Variants in NHSL3 observed in about 807,000 individuals in gnomAD.
NHSL3 encodes NHS like 3.
the NHSL3 span, chr1:32,765,850 G>C: frequency 6.5e-7 from 1 of 1,539,382 alleles, no homozygotes; most frequent in Non-Finnish European, 8.7e-7. Flanking sequence ...GGCTTGGGGG[G>C]AGGGGAGGGA....
At chr1:32,764,478 T>G in the NHSL3 span, among the ~76,000 whole-genome samples, 1 of 151,904 alleles carries the variant, frequency 6.6e-6, no homozygotes, top group Admixed American at 6.6e-5. Flanking sequence ...TTTCTTTTTT[T>G]TTTTTTTGAA....
chr1:32,772,208 G>A, the NHSL3 span: 65 of 1,610,016 alleles, frequency 4.0e-5, no homozygotes, highest in Non-Finnish European at 3.0e-5. Context: ...TCAGAGCAGC[G>A]GCCACCCCAG....
At chr1:32,766,775 G>C in the NHSL3 span, among the ~76,000 whole-genome samples, 140 of 152,286 alleles carry the variant, frequency 9.2e-4, 1 homozygote, top group African/African-American at 3.2e-3. Context: ...CATTTAAAGG[G>C]GGGGCTGGGG....
At chr1:32,770,707 C>T in the NHSL3 span, 11 of 1,542,660 alleles carry the variant, frequency 7.1e-6, no homozygotes, top group East Asian at 1.4e-4. This position sits in a 1 kb window ranked among gnomAD's most constrained non-coding sequence, Gnocchi z 8.3. Context: ...CCTCCATCAG[C>T]GGGGCTTAGC....
chr1:32,758,805 T>C, the NHSL3 span, among the ~76,000 whole-genome samples: 1 of 151,748 alleles, frequency 6.6e-6, no homozygotes, highest in East Asian at 1.9e-4. Flanking sequence ...CAGGATCATG[T>C]TGCAATTAAG....
At chr1:32,752,013 T>C in the NHSL3 span, among the ~76,000 whole-genome samples, 1 of 152,190 alleles carries the variant, frequency 6.6e-6, no homozygotes, top group Non-Finnish European at 1.5e-5. Context: ...TCCCCCATAC[T>C]AACTGTTCTT....
chr1:32,772,577 C>T, the NHSL3 span: 4 of 1,377,658 alleles, frequency 2.9e-6, no homozygotes, highest in South Asian at 6.2e-5. Context: ...CAAGCTGTCA[C>T]CCTTGCTGGG....
At chr1:32,764,471 C>CT in the NHSL3 span, among the ~76,000 whole-genome samples, 338 of 142,310 alleles carry the variant, frequency 2.4e-3, 1 homozygote, top group South Asian at 0.013. Context: ...TTGTTTTTTT[C>CT]TTTTTTTTTT....
At chr1:32,765,995 GTTGCTGCCT>G in the NHSL3 span, among the ~76,000 whole-genome samples, 214 of 152,276 alleles carry the variant, frequency 1.4e-3, no homozygotes, top group Non-Finnish European at 2.3e-3. Context: ...CAGCCGCTTT[GTTGCTGCCT>G]TTGTCTGGGC....
the NHSL3 span, among the ~76,000 whole-genome samples, chr1:32,766,403 C>T: frequency 2.5e-4 from 38 of 152,118 alleles, no homozygotes; most frequent in Middle Eastern, 3.2e-3. Context: ...CCGGGAGTCC[C>T]CTCTGGGAAC....
the NHSL3 span, among the ~76,000 whole-genome samples, chr1:32,756,472 C>A: frequency 1.3e-5 from 1 of 74,382 alleles, no homozygotes; most frequent in Non-Finnish European, 2.9e-5. Flanking sequence ...ATGACGAGAC[C>A]CCCCCCCCCC....
chr1:32,754,484 C>T, the NHSL3 span, among the ~76,000 whole-genome samples: 2 of 152,124 alleles, frequency 1.3e-5, no homozygotes, highest in Non-Finnish European at 2.9e-5. Flanking sequence ...CGCAGTAGGA[C>T]GCACACAGCC....
At chr1:32,769,931 G>C in the NHSL3 span, 4 of 1,607,638 alleles carry the variant, frequency 2.5e-6, no homozygotes, top group African/African-American at 1.3e-5. Context: ...CCTGGTGCAC[G>C]GGATGCCGTA....
At chr1:32,766,893 A>G in the NHSL3 span, among the ~76,000 whole-genome samples, 1 of 152,158 alleles carries the variant, frequency 6.6e-6, no homozygotes, top group Non-Finnish European at 1.5e-5. Context: ...CTCCTCTGCA[A>G]CAGGGGCCAG....
chr1:32,750,785 C>T, the NHSL3 span, among the ~76,000 whole-genome samples: 1 of 151,674 alleles, frequency 6.6e-6, no homozygotes, highest in African/African-American at 2.4e-5. Context: ...GGATTACAGG[C>T]ATGAGCCACA....
At chr1:32,771,555 G>T in the NHSL3 span, 12 of 1,609,134 alleles carry the variant, frequency 7.5e-6, no homozygotes, top group Non-Finnish European at 8.5e-6. Flanking sequence ...CACCAGAGGA[G>T]GCTTTTTTCT....
At chr1:32,763,836 A>G in the NHSL3 span, among the ~76,000 whole-genome samples, 1 of 152,112 alleles carries the variant, frequency 6.6e-6, no homozygotes, top group African/African-American at 2.4e-5. Context: ...GGCCTCCCAA[A>G]GTGCTGGGAT....
chr1:32,769,887 G>C, the NHSL3 span: 1 of 1,609,876 alleles, frequency 6.2e-7, no homozygotes, highest in Non-Finnish European at 8.5e-7. Context: ...CAGGCCTGAG[G>C]AATGAGCGTG....
chr1:32,745,376 G>A, the NHSL3 span, among the ~76,000 whole-genome samples: 2 of 151,878 alleles, frequency 1.3e-5, no homozygotes, highest in South Asian at 4.2e-4. Context: ...TGACCAACAT[G>A]GTGAAACCCT....
Sources: allele counts gnomAD v4.1 joint callset (sites outside exome capture counted in the v4.1 genomes callset), GRCh38; gene constraint gnomAD v4.1.1; non-coding constraint Gnocchi (gnomAD v3.1); transcripts MANE v1.5; gene names NCBI Gene and HGNC (gene_info 2026-07-23, HGNC 2026-07-21).